WDR36: variants seen among roughly 807,000 people sequenced by gnomAD.
WDR36 encodes WD repeat-containing protein 36.
A neutral mutation model predicts 112.7 loss-of-function variants in WDR36; 63 were observed. The observed-to-expected ratio is 0.56, with a 90% confidence interval of 0.46 to 0.69. The LOEUF is 0.69. Ranked by LOEUF, WDR36 falls within the 30% of genes least tolerant of loss-of-function variation. The pLI is 0.00. For synonymous variants in WDR36, 410 were observed against 362.2 expected (o/e 1.13, Z -1.50); for missense variants, 1,226 against 1,070.3 (o/e 1.15, Z -2.03).
intron 11 of WDR36, among the ~76,000 whole-genome samples, 193 bp from the exon 12 acceptor site, chr5:111,107,093 CCATAAACA>C (rs974327089): frequency 1.3e-5 from 2 of 151,168 alleles, no homozygotes; most frequent in African/African-American, 4.8e-5. Flanking sequence ...ATGTTCTATG[CCATAAACA>C]CATAAATACA....
intron 11 of WDR36, 63 bp downstream of exon 11, chr5:111,106,206 T>G: frequency 7.2e-7 from 1 of 1,381,522 alleles, no homozygotes. Context: ...TACTGTATGC[T>G]GTTTTATTTT....
intron 3 of WDR36, among the ~76,000 whole-genome samples, chr5:111,098,422 G>A (rs541640777): frequency 2.2e-4 from 34 of 152,260 alleles, no homozygotes; most frequent in Non-Finnish European, 4.3e-4. Context: ...TTGGGTGAGG[G>A]AACTAGGTGT....
intron 16 of WDR36, among the ~76,000 whole-genome samples, chr5:111,113,448 A>T (rs1753389963): frequency 6.7e-6 from 1 of 149,556 alleles, no homozygotes; most frequent in African/African-American, 2.5e-5. Flanking sequence ...GACCTTTTTG[A>T]TACTCCAAAA....
In WDR36 at chr5:111,110,868, A is replaced by T. The variant is rs1238549152; in HGVS notation, c.1522A>T (p.Lys508Ter). The stretch of plus-strand genomic sequence containing the variant: ...TACAACTGGTAGTGAAGGATTACTC[A>T]AATTCTGGAACTTTAAAAACAAAAT... The part of the protein sequence containing the change: ...TVTTGSEGLL[K>*]FWNFKNKILI... The change falls in exon 14 of 23, where the codon AAA becomes TAA. Residue 508 changes from lysine (K) to a stop codon, truncating the protein, a stop_gained. Coordinates refer to ENST00000513710, the MANE Select transcript of WDR36 (RefSeq NM_139281.3). LOFTEE classifies it high-confidence loss of function. 6.2e-7 allele frequency: 1 copy of T among 1,611,704 alleles called. No individual in the cohort carries two copies. The highest frequency in any genetic ancestry group is 8.5e-7 in the Non-Finnish European group (1 of 1,178,566).
intron 5 of WDR36, among the ~76,000 whole-genome samples, chr5:111,101,822 A>C (rs4957601): frequency 0.018 from 2,806 of 151,866 alleles, 29 homozygotes; most frequent in Middle Eastern, 0.065. Context: ...GTCTTTGCCC[A>C]TTTACAGAAT....
At chr5:111,121,330 A>G (rs1010608417) in intron 19 of WDR36, among the ~76,000 whole-genome samples, 189 bp downstream of exon 19, 1 of 152,186 alleles carries the variant, frequency 6.6e-6, no homozygotes, top group Non-Finnish European at 1.5e-5. Flanking sequence ...TCATATATAT[A>G]TCAACTTTGA....
chr5:111,118,437 C>T (rs1159282363), intron 16 of WDR36, among the ~76,000 whole-genome samples: 1 of 152,158 alleles, frequency 6.6e-6, no homozygotes, highest in African/African-American at 2.4e-5. Context: ...AGCTATGGGA[C>T]TAGTTTCCAT....
intron 16 of WDR36, among the ~76,000 whole-genome samples, chr5:111,114,420 G>C (rs1271072764): frequency 6.6e-6 from 1 of 152,132 alleles, no homozygotes; most frequent in African/African-American, 2.4e-5. Flanking sequence ...CATGAAAACA[G>C]TTTGACCTTT....
At position 111,129,220 on chromosome 5, in the gene WDR36, G is replaced by A. The variant is rs1270887953; in HGVS notation, c.*2337G>A. The A allele has an allele frequency of 5.1e-6, 1 of 196,220 alleles. No homozygotes were observed. The highest frequency in any genetic ancestry group is 2.3e-5 in the African/African-American group (1 of 43,218). 12.2% of individuals were successfully genotyped at this position (196,220 alleles called of 1,614,324 possible). On this transcript the variant is annotated 3_prime_UTR_variant, in exon 23 of 23. Coordinates refer to ENST00000513710, the MANE Select transcript of WDR36 (RefSeq NM_139281.3). ...CTGAAAGGAACATCATCCTACATGAGCCCTTTTTGTACATATAAGGCTCTC... is the reference window on the plus strand; with the variant it reads ...CTGAAAGGAACATCATCCTACATGAACCCTTTTTGTACATATAAGGCTCTC...
At chr5:111,111,324 GT>G in intron 15 of WDR36, 46 bp downstream of exon 15, 2 of 1,461,118 alleles carry the variant, frequency 1.4e-6, no homozygotes, top group Non-Finnish European at 1.9e-6. Flanking sequence ...TTCTACTTTT[GT>G]TTGGGTGTGT....
chr5:111,107,591 C>T (rs1753245374), intron 12 of WDR36, 152 bp downstream of exon 12: 1 of 940,432 alleles, frequency 1.1e-6, no homozygotes, highest in African/African-American at 1.7e-5. Flanking sequence ...AAATTTGCTC[C>T]TGTGACTTCT....
intron 15 of WDR36, among the ~76,000 whole-genome samples, chr5:111,112,088 A>T (rs1753353334): frequency 6.6e-6 from 1 of 152,066 alleles, no homozygotes; most frequent in South Asian, 2.1e-4. Flanking sequence ...GCAAAATTAT[A>T]CATCAGCAGA....
intron 19 of WDR36, among the ~76,000 whole-genome samples, chr5:111,123,465 T>C (rs530097837): frequency 1.3e-5 from 2 of 152,356 alleles, no homozygotes; most frequent in South Asian, 4.1e-4. Flanking sequence ...GAGTTTGTAC[T>C]CAATACAAAA....
At chr5:111,105,161 C>T in intron 9 of WDR36, 134 bp from the exon 10 acceptor site, 1 of 871,162 alleles carries the variant, frequency 1.1e-6, no homozygotes, top group Non-Finnish European at 1.8e-6. Flanking sequence ...GAAGTAGTTG[C>T]AATCTGGTTT....
rs367687576 is a variant in WDR36 at position 111,104,698 on chromosome 5, T to C, written c.908T>C (p.Ile303Thr). ...VTNGADNALR[I>T]WIFDGPTGEG... ...ACTGACGTTTTTATTTCTTGGCAGA[T>C]ATGGATATTTGATGGTCCTACAGGT... Residue 303 changes from isoleucine to threonine, a missense_variant and splice_region_variant, in exon 9 of 23, where the codon ATA becomes ACA. Coordinates refer to ENST00000513710, the MANE Select transcript of WDR36 (RefSeq NM_139281.3). 6.2e-7 allele frequency: 1 copy of C among 1,610,908 alleles called. No individual in the cohort carries two copies. The highest frequency in any genetic ancestry group is 8.5e-7 in the Non-Finnish European group (1 of 1,177,730).
chr5:111,113,811 T>C (rs1299290487), intron 16 of WDR36, among the ~76,000 whole-genome samples: 1 of 152,114 alleles, frequency 6.6e-6, no homozygotes, highest in Non-Finnish European at 1.5e-5. Context: ...CGTGATAATG[T>C]AATAGCTTGA....
At chr5:111,102,176 G>C (rs1199487406) in intron 5 of WDR36, among the ~76,000 whole-genome samples, 169 bp from the exon 6 acceptor site, 1 of 151,042 alleles carries the variant, frequency 6.6e-6, no homozygotes. Context: ...GAATTTGTCT[G>C]GACAATATTA....
chr5:111,129,089 A>G lies in WDR36; in HGVS notation c.*2206A>G, dbSNP rs1753734069. On this transcript the variant is annotated 3_prime_UTR_variant, in exon 23 of 23. Transcript: ENST00000513710. ...ACTTGGGAGTTTTTTATTTTGGTAC[A>G]TTCACATTTACCTAATCTCTTGTGC... The G allele has an allele frequency of 5.0e-6, 1 of 198,596 alleles. No homozygotes were observed. Among genetic ancestry groups the G allele is most frequent in the Middle Eastern group, 1.7e-3 (1 of 576 alleles). 12.3% of individuals were successfully genotyped at this position (198,596 alleles called of 1,614,324 possible).
intron 1 of WDR36, among the ~76,000 whole-genome samples, chr5:111,093,103 C>G (rs1752902205): frequency 6.6e-6 from 1 of 152,226 alleles, no homozygotes; most frequent in Admixed American, 6.5e-5. Context: ...TTATTTTCAA[C>G]TAACGCAAAG....
Sources: gnomAD v4.1 joint callset for allele counts (sites outside exome capture counted in the v4.1 genomes callset) on GRCh38, gnomAD v4.1.1 for gene constraint, MANE v1.5 for transcripts, NCBI Gene and HGNC (gene_info 2026-07-23, HGNC 2026-07-21) for gene names.